The following COL17A1 variants were observed in gnomAD, a reference collection of about 807,000 sequenced individuals.
COL17A1 encodes collagen type XVII alpha 1 chain.
A neutral mutation model predicts 218.4 loss-of-function variants in COL17A1; 181 were observed. That is an observed-to-expected ratio of 0.83 (90% CI 0.73 to 0.94). COL17A1 has a LOEUF of 0.94. Among genes scored for constraint, COL17A1 ranks in the 40% least tolerant of loss-of-function variants. The probability of loss-of-function intolerance (pLI) is 0.00; values close to 1 mark genes in which losing one functional copy is unlikely to be tolerated. For missense variants in COL17A1, 1,924 were observed against 1,945.9 expected, an observed-to-expected ratio of 0.99 and a Z score of 0.21; for synonymous variants, 721 against 731.0, an observed-to-expected ratio of 0.99 and a Z score of 0.22.
rs1554849272 is a variant in COL17A1 at position 104,055,480 on chromosome 10, A to ACACT, written c.1688-80_1688-79insAGTG. ...CACACACACACACACACACACACAC[A>ACACT]CAATAAGGGGATCATGGTATGGGAA... is the stretch of plus-strand genomic sequence containing the variant. On this transcript the variant is annotated intron_variant, in intron 18 of 55. Transcript: ENST00000648076. The ACACT allele has an allele frequency of 1.3e-5, 20 of 1,506,034 alleles. No individual in the cohort carries two copies. The African/African-American group carries it at 2.5e-4, about 19-fold the overall frequency. 93.3% of individuals were successfully genotyped at this position (1,506,034 alleles called of 1,614,324 possible).
At chr10:104,050,817 C>T (rs753597408) in intron 26 of COL17A1, 31 bp downstream of exon 26, 3 of 1,614,036 alleles carry the variant, frequency 1.9e-6, no homozygotes, top group Non-Finnish European at 8.5e-7. Context: ...ATCAGACCCT[C>T]ACTGTCCCCC....
chr10:104,073,246 C>T lies in COL17A1; in HGVS notation c.380-1G>A, dbSNP rs775262228. 6 of 1,613,524 alleles carry T rather than the reference C, an allele frequency of 3.7e-6. No homozygotes were observed. Among genetic ancestry groups the T allele is most frequent in the Non-Finnish European group, 5.1e-6 (6 of 1,179,734 alleles). Reference sequence around the variant, plus strand: ...CTCCGTCCTCTGGTTGAAGAAGATGCTGAGAAACAAAGAAATGCATTTTTA... The same window carrying T: ...CTCCGTCCTCTGGTTGAAGAAGATGTTGAGAAACAAAGAAATGCATTTTTA... On this transcript the variant is annotated splice_acceptor_variant, in intron 6 of 55. Transcript: ENST00000648076. LOFTEE classifies it high-confidence loss of function.
chr10:104,043,394 C>A, intron 35 of COL17A1, 107 bp downstream of exon 35: 10 of 1,023,596 alleles, frequency 9.8e-6, no homozygotes, highest in Non-Finnish European at 1.5e-5. Flanking sequence ...ATTCTCTTTA[C>A]CAGGTTCAGT....
At chr10:104,058,224 A>C in intron 15 of COL17A1, 34 bp from the exon 16 acceptor site, 1 of 1,613,876 alleles carries the variant, frequency 6.2e-7, no homozygotes, top group Non-Finnish European at 8.5e-7. Flanking sequence ...TGAGCTTTTA[A>C]ACTGGAGGAG....
At position 104,036,956 on chromosome 10, in the gene COL17A1, G is replaced by A. The variant is rs181262588; in HGVS notation, c.3277+89C>T. 23 of 1,248,344 alleles carry A rather than the reference G, an allele frequency of 1.8e-5. No homozygotes were observed. The East Asian group carries it at 5.3e-4, about 29-fold the overall frequency. 77.3% of individuals were successfully genotyped at this position (1,248,344 alleles called of 1,614,324 possible). ...TGCCTCCCTCTTGCAGCCCTTCCAA[G>A]GCTCAGACGAGGACAAGGTTTGCAT... On this transcript the variant is annotated intron_variant, in intron 47 of 55. Transcript: ENST00000648076.
At chr10:104,075,743 C>T (rs1217988474) in intron 5 of COL17A1, among the ~76,000 whole-genome samples, 1 of 152,172 alleles carries the variant, frequency 6.6e-6, no homozygotes, top group Non-Finnish European at 1.5e-5. Context: ...ACGTAAGTAC[C>T]ACTGAATTTC....
At chr10:104,051,377 G>T in intron 25 of COL17A1, 104 bp downstream of exon 25, 1 of 1,426,894 alleles carries the variant, frequency 7.0e-7, no homozygotes, top group Non-Finnish European at 9.8e-7. Context: ...TAGGAGGCTT[G>T]CTTTATAATT....
At chr10:104,060,321 C>G in intron 13 of COL17A1, 41 bp from the exon 14 acceptor site, 3 of 1,611,490 alleles carry the variant, frequency 1.9e-6, no homozygotes, top group Non-Finnish European at 1.7e-6. Flanking sequence ...GGACATGTGC[C>G]AGGAGAAGGG....
chr10:104,075,650 C>G (rs1377998925), intron 5 of COL17A1, among the ~76,000 whole-genome samples: 1 of 152,210 alleles, frequency 6.6e-6, no homozygotes, highest in East Asian at 1.9e-4. Context: ...TTGCTAAAAA[C>G]TCTCTGTGGC....
chr10:104,045,180 G>A (rs1257364904), intron 33 of COL17A1, among the ~76,000 whole-genome samples: 1 of 152,082 alleles, frequency 6.6e-6, no homozygotes, highest in Non-Finnish European at 1.5e-5. Flanking sequence ...TGTGTGCATG[G>A]GCATCACCAC....
At chr10:104,058,785 T>A (rs1046781086) in intron 15 of COL17A1, among the ~76,000 whole-genome samples, 2 of 151,848 alleles carry the variant, frequency 1.3e-5, no homozygotes, top group African/African-American at 4.8e-5. Context: ...TACAAAAAAA[T>A]TAGCTGGATG....
rs774226829 is a variant in COL17A1, at chr10:104,040,367, ACCTGGGGGGCCAGGTGGG to A, written c.2727_2744del (p.Pro911_Pro916del). On this transcript the variant is annotated inframe_deletion, in exon 40 of 56. Transcript: ENST00000648076. Reference sequence around the variant, plus strand: ...TGTTCTCACCTTGGTCTCCCTTGGGACCTGGGGGGCCAGGTGGGCCTGGGGGGCCGGAGAGGAAGGTTT... The same window carrying A: ...TGTTCTCACCTTGGTCTCCCTTGGGACCTGGGGGGCCGGAGAGGAAGGTTT... The A allele has an allele frequency of 1.3e-5, 21 of 1,610,850 alleles. No individual in the cohort carries two copies. The South Asian group carries it at 1.4e-4, about 11-fold the overall frequency.
intron 9 of COL17A1, 148 bp from the exon 10 acceptor site, chr10:104,064,744 G>A: frequency 1.3e-6 from 1 of 781,868 alleles, no homozygotes; most frequent in Non-Finnish European, 2.2e-6. Context: ...GGAACCTGGG[G>A]TAGTTTCCAT....
At position 104,053,089 on chromosome 10, in the gene COL17A1, G is replaced by A; in HGVS notation, c.1881C>T (p.Gly627=). The change falls in exon 23 of 56, where the codon GGC becomes GGT. Residue 627 remains glycine, a synonymous_variant. Transcript: ENST00000648076. The part of the protein sequence containing the change: ...EGPMGQRGRE[G]PMGPRGEAGP... ...CTGCCTCACCACGAGGTCCCATGGGGCCTTCTCGCCCTCTCTGGCCCATGG... is the reference window on the plus strand; with the variant it reads ...CTGCCTCACCACGAGGTCCCATGGGACCTTCTCGCCCTCTCTGGCCCATGG... 6.2e-7 allele frequency: 1 copy of A among 1,613,904 alleles called. No homozygotes were observed. The highest frequency in any genetic ancestry group is 8.5e-7 in the Non-Finnish European group (1 of 1,180,030).
chr10:104,057,656 T>A (rs2086543350), intron 16 of COL17A1, among the ~76,000 whole-genome samples: 1 of 151,624 alleles, frequency 6.6e-6, no homozygotes, highest in Non-Finnish European at 1.5e-5. Context: ...AGAATTATAC[T>A]CAGCTCTTCA....
At chr10:104,049,555 G>T in intron 28 of COL17A1, 84 bp from the exon 29 acceptor site, 1 of 1,441,248 alleles carries the variant, frequency 6.9e-7, no homozygotes, top group Non-Finnish European at 9.7e-7. Context: ...TCCTCCAAGA[G>T]GTCAAGGAAG....
At chr10:104,068,417 A>G (rs2086644362) in intron 9 of COL17A1, among the ~76,000 whole-genome samples, 1 of 152,264 alleles carries the variant, frequency 6.6e-6, no homozygotes, top group Admixed American at 6.5e-5. Context: ...TAAATGGTAA[A>G]AAACACAATG....
intron 13 of COL17A1, 61 bp downstream of exon 13, chr10:104,061,344 A>C: frequency 1.0e-5 from 15 of 1,455,638 alleles, no homozygotes; most frequent in Non-Finnish European, 1.3e-5. Flanking sequence ...AGGCAGGATT[A>C]CTGCAGAGTA....
intron 13 of COL17A1, among the ~76,000 whole-genome samples, chr10:104,061,027 A>G (rs922621630): frequency 1.3e-5 from 2 of 152,220 alleles, no homozygotes; most frequent in African/African-American, 4.8e-5. Context: ...CAAAGTTGAT[A>G]TAGATTTTGT....
Sources: allele counts gnomAD v4.1 joint callset (sites outside exome capture counted in the v4.1 genomes callset), GRCh38; gene constraint gnomAD v4.1.1; transcripts MANE v1.5; gene names NCBI Gene and HGNC (gene_info 2026-07-23, HGNC 2026-07-21).